The following COL26A1 variants were observed in gnomAD, a reference collection of about 807,000 sequenced individuals.
COL26A1 encodes the protein collagen alpha-1(XXVI) chain.
In COL26A1, 41 loss-of-function variants were observed where a neutral mutation model predicts 59.3. The observed-to-expected ratio is 0.69, with a 90% CI of 0.54 to 0.90. COL26A1 has a LOEUF of 0.90. Ranked by LOEUF, COL26A1 falls within the 40% of genes least tolerant of loss-of-function variation. COL26A1 has a pLI of 0.00. For synonymous variants in COL26A1, 266 were observed against 256.0 expected (o/e 1.04, Z -0.37); for missense variants, 612 against 602.3 (o/e 1.02, Z -0.17).
intron 3 of COL26A1, among the ~76,000 whole-genome samples, chr7:101,515,305 G>T (rs1167520332): frequency 6.6e-6 from 1 of 151,694 alleles, no homozygotes; most frequent in Non-Finnish European, 1.5e-5. Context: ...TTTGAGACAG[G>T]GTCTCAACAG....
chr7:101,474,626 G>T (rs1047994597), intron 3 of COL26A1, among the ~76,000 whole-genome samples: 1 of 152,010 alleles, frequency 6.6e-6, no homozygotes, highest in Non-Finnish European at 1.5e-5. Flanking sequence ...TAAAATACAG[G>T]GTTGCACTGT....
intron 3 of COL26A1, among the ~76,000 whole-genome samples, chr7:101,487,629 C>G (rs1794296247): frequency 6.6e-6 from 1 of 152,220 alleles, no homozygotes; most frequent in South Asian, 2.1e-4. Flanking sequence ...CCTCCCACCT[C>G]TGAGATGCCG....
Position 101,549,224 on chromosome 7 carries a change from G to T in COL26A1, c.993+1G>T. The T allele has an allele frequency of 6.2e-7, 1 of 1,604,654 alleles. No individual in the cohort carries two copies. Among genetic ancestry groups the T allele is most frequent in the Non-Finnish European group, 8.5e-7 (1 of 1,174,888 alleles). On this transcript the variant is annotated splice_donor_variant, in intron 9 of 12. Coordinates refer to ENST00000313669, the MANE Select transcript of COL26A1 (RefSeq NM_001278563.3). LOFTEE classifies it high-confidence loss of function. Reference sequence around the variant, plus strand: ...ACCCCCAGGAACACCTGGATCCCAGGTAAGGACTTTGCCATTTTAGGTAGG... The same window carrying T: ...ACCCCCAGGAACACCTGGATCCCAGTTAAGGACTTTGCCATTTTAGGTAGG...
At chr7:101,547,977 G>A (rs546052144) in intron 8 of COL26A1, among the ~76,000 whole-genome samples, 1 of 152,336 alleles carries the variant, frequency 6.6e-6, no homozygotes, top group East Asian at 1.9e-4. Context: ...TCTGGTGGAG[G>A]ACAGGAATAT....
intron 3 of COL26A1, among the ~76,000 whole-genome samples, chr7:101,454,451 G>T (rs192990017): frequency 6.6e-6 from 1 of 151,958 alleles, no homozygotes; most frequent in Admixed American, 6.6e-5. Context: ...TAGAGACAGG[G>T]TTTCACTATG....
chr7:101,362,532 C>T (rs1411440703), upstream of COL26A1, among the ~76,000 whole-genome samples: 1 of 152,212 alleles, frequency 6.6e-6, no homozygotes, highest in African/African-American at 2.4e-5. Flanking sequence ...CCTCAGTTTC[C>T]ACTTCTGAAT....
At chr7:101,409,975 T>A (rs1433811057) in intron 1 of COL26A1, among the ~76,000 whole-genome samples, 1 of 152,088 alleles carries the variant, frequency 6.6e-6, no homozygotes, top group Non-Finnish European at 1.5e-5. Context: ...TTAGCCAGGA[T>A]GGTCTTGATC....
chr7:101,443,686 A>C (rs1015787643), intron 2 of COL26A1, among the ~76,000 whole-genome samples: 1 of 152,144 alleles, frequency 6.6e-6, no homozygotes, highest in East Asian at 1.9e-4. Flanking sequence ...TTGGTCATGC[A>C]TTTTATATTC....
rs775941492 is a variant in COL26A1, at chr7:101,549,207, G to A, written c.977G>A (p.Gly326Glu). 1.2e-6 allele frequency: 2 copies of A among 1,606,170 alleles called. No homozygotes were observed. Among genetic ancestry groups the A allele is most frequent in the Non-Finnish European group, 1.7e-6 (2 of 1,176,150 alleles). The change falls in exon 9 of 13, where the codon GGA (glycine) becomes GAA (glutamate). Residue 326 changes from glycine to glutamate, a missense_variant. Coordinates refer to ENST00000313669, the MANE Select transcript of COL26A1 (RefSeq NM_001278563.3). Reference protein sequence around the residue: ...PGPRGPPGPPGTPGSQGLAGE... With the variant: ...PGPRGPPGPPETPGSQGLAGE... Reference sequence around the variant, plus strand: ...CCTCGAGGTCCCCCAGGACCCCCAGGAACACCTGGATCCCAGGTAAGGACT... The same window carrying A: ...CCTCGAGGTCCCCCAGGACCCCCAGAAACACCTGGATCCCAGGTAAGGACT...
At chr7:101,387,438 G>A (rs1289113886) in intron 1 of COL26A1, among the ~76,000 whole-genome samples, 3 of 149,154 alleles carry the variant, frequency 2.0e-5, no homozygotes, top group Admixed American at 6.7e-5. Context: ...TGGAAAATCT[G>A]GAAAAGTGAA....
intron 3 of COL26A1, among the ~76,000 whole-genome samples, chr7:101,457,969 T>C (rs1793518499): frequency 6.6e-6 from 1 of 150,488 alleles, no homozygotes; most frequent in African/African-American, 2.4e-5. Context: ...CGATCTCGGC[T>C]CATTGCAACC....
At chr7:101,366,092 G>A (rs10953337) in intron 1 of COL26A1, among the ~76,000 whole-genome samples, 88,252 of 152,128 alleles carry the variant, frequency 0.58, 27,183 homozygotes, top group African/African-American at 0.8. Context: ...GTGGGCAATG[G>A]ATTCCTAAAA....
chr7:101,415,795 A>G (rs778572009), intron 1 of COL26A1, among the ~76,000 whole-genome samples: 2 of 151,786 alleles, frequency 1.3e-5, no homozygotes, highest in Admixed American at 6.6e-5. Context: ...ATGCCTGGCT[A>G]ATTTTTACTT....
intron 4 of COL26A1, among the ~76,000 whole-genome samples, chr7:101,539,626 C>T (rs1310304509): frequency 6.6e-6 from 1 of 152,152 alleles, no homozygotes; most frequent in East Asian, 1.9e-4. Flanking sequence ...CCACTCCCAG[C>T]CAGCACAGGG....
At position 101,412,834 on chromosome 7, in the gene COL26A1, G is replaced by A. The variant is rs550753337; in HGVS notation, c.159-7143G>A. Reference sequence around the variant, plus strand: ...CTTGTCCTTGAATTCTTTCCTGGGGGAAACTAAGAACCCTCCCTGGCTAAG... The same window carrying A: ...CTTGTCCTTGAATTCTTTCCTGGGGAAAACTAAGAACCCTCCCTGGCTAAG... On this transcript the variant is annotated intron_variant, in intron 1 of 12. Transcript: ENST00000313669. Among the ~76,000 whole-genome samples the A allele has an allele frequency of 4.3e-4, 65 of 152,110 alleles. 1 individual carries two copies. Among genetic ancestry groups the A allele is most frequent in the Admixed American group, 3.1e-3 (48 of 15,262 alleles).
chr7:101,528,057 C>T (rs933666842), intron 3 of COL26A1, among the ~76,000 whole-genome samples: 4 of 152,154 alleles, frequency 2.6e-5, no homozygotes, highest in African/African-American at 9.7e-5. Flanking sequence ...AGCGCCTGCC[C>T]GGGGATGGGG....
chr7:101,539,188 G>A (rs1247347074), intron 4 of COL26A1, among the ~76,000 whole-genome samples: 1 of 152,094 alleles, frequency 6.6e-6, no homozygotes, highest in Non-Finnish European at 1.5e-5. Context: ...TGTTTTTCTG[G>A]AAAGTCTTCT....
chr7:101,538,112 G>A lies in COL26A1; in HGVS notation c.448-1781G>A, dbSNP rs994796427. Among the ~76,000 whole-genome samples, 3 of 152,202 alleles carry A rather than the reference G, an allele frequency of 2.0e-5. No individual in the cohort carries two copies. The East Asian group carries it at 5.8e-4, about 29-fold the overall frequency. ...CCTGACGCTCCTCCAAATCCCCTGC[G>A]CTGGCCATCCCAGGCCCCTTCCATC... is the stretch of plus-strand genomic sequence containing the variant. On this transcript the variant is annotated intron_variant, in intron 4 of 12. Coordinates refer to ENST00000313669, the MANE Select transcript of COL26A1 (RefSeq NM_001278563.3).
intron 2 of COL26A1, among the ~76,000 whole-genome samples, chr7:101,445,860 C>T (rs977519436): frequency 9.9e-5 from 15 of 150,782 alleles, no homozygotes; most frequent in Non-Finnish European, 2.1e-4. Context: ...GCATCCTGGC[C>T]AACAAGGTGA....
Sources: gnomAD v4.1 joint callset for allele counts (sites outside exome capture counted in the v4.1 genomes callset) on GRCh38, gnomAD v4.1.1 for gene constraint, MANE v1.5 for transcripts, NCBI Gene and HGNC (gene_info 2026-07-23, HGNC 2026-07-21) for gene names.